The following RNFT2 variants were observed in gnomAD, a reference collection of about 807,000 sequenced individuals.
The protein encoded by RNFT2 is E3 ubiquitin-protein ligase RNFT2.
A neutral mutation model predicts 53.0 loss-of-function variants in RNFT2; 36 were observed. That is an observed-to-expected ratio of 0.68 (90% CI 0.52 to 0.90). RNFT2 has a LOEUF of 0.90. Ranked by LOEUF, RNFT2 falls within the 40% of genes least tolerant of loss-of-function variation. RNFT2 has a pLI of 0.00. For synonymous variants in RNFT2, 260 were observed against 253.2 expected, an observed-to-expected ratio of 1.03 and a Z score of -0.26; for missense variants, 514 against 585.6, an observed-to-expected ratio of 0.88 and a Z score of 1.26.
chr12:116,834,850 C>CT (rs140178133), intron 8 of RNFT2, among the ~76,000 whole-genome samples: 2,765 of 136,644 alleles, frequency 0.02, 49 homozygotes, highest in African/African-American at 0.043. Context: ...ATTATTACTC[C>CT]TTTTTTTTTT....
At chr12:116,768,526 T>C (rs1256889524) in intron 6 of RNFT2, among the ~76,000 whole-genome samples, 1 of 152,200 alleles carries the variant, frequency 6.6e-6, no homozygotes, top group East Asian at 1.9e-4. Context: ...CCTAGTGATA[T>C]TGCAGCCATC....
At chr12:116,825,802 G>A (rs762483049) in intron 7 of RNFT2, among the ~76,000 whole-genome samples, 43 of 152,120 alleles carry the variant, frequency 2.8e-4, no homozygotes, top group Non-Finnish European at 4.3e-4. Context: ...GAAACTGAGG[G>A]TCATAGAGGT....
chr12:116,791,869 A>G (rs534556759), intron 7 of RNFT2, among the ~76,000 whole-genome samples: 2 of 152,306 alleles, frequency 1.3e-5, no homozygotes, highest in Non-Finnish European at 2.9e-5. Flanking sequence ...TGCCTGCACC[A>G]TTTCACATGC....
chr12:116,814,911 T>A (rs1453122733), intron 7 of RNFT2, among the ~76,000 whole-genome samples: 5 of 152,156 alleles, frequency 3.3e-5, no homozygotes, highest in Non-Finnish European at 7.4e-5. Context: ...AATTTTTGTA[T>A]TTTTAGTAGA....
intron 10 of RNFT2, among the ~76,000 whole-genome samples, chr12:116,841,920 A>T (rs187005992): frequency 0.036 from 1,304 of 35,824 alleles, 77 homozygotes; most frequent in African/African-American, 0.14. Flanking sequence ...TATATATATA[A>T]AAATATATAT....
At chr12:116,745,641 A>G (rs1033848519) in intron 3 of RNFT2, among the ~76,000 whole-genome samples, 4 of 152,216 alleles carry the variant, frequency 2.6e-5, no homozygotes, top group African/African-American at 7.2e-5. Flanking sequence ...TGTGTGTCAC[A>G]GGTGTTCTGC....
At chr12:116,795,410 G>GAAA (rs201494908) in intron 7 of RNFT2, among the ~76,000 whole-genome samples, 4 of 123,180 alleles carry the variant, frequency 3.2e-5, no homozygotes, top group African/African-American at 9.0e-5. Flanking sequence ...TCCATCTCCA[G>GAAA]AAAAAAAAAA....
chr12:116,826,130 C>A (rs1320720550), intron 7 of RNFT2, among the ~76,000 whole-genome samples: 1 of 151,982 alleles, frequency 6.6e-6, no homozygotes, highest in East Asian at 1.9e-4. Context: ...CCAAAAAATT[C>A]TCCTCTCTGT....
rs76963921 is a variant in RNFT2 at position 116,842,322 on chromosome 12, G to T, written c.1200+6040G>T. Among the ~76,000 whole-genome samples the T allele has an allele frequency of 8.2e-3, 1,253 of 152,148 alleles. 24 individuals are homozygous for T. The highest frequency in any genetic ancestry group is 0.029 in the African/African-American group (1,203 of 41,514). ...GCGCCACCCTTACTTAAGGGAAGGG[G>T]ATGCATGAGGCTATGAACACCAGGA... On this transcript the variant is annotated intron_variant, in intron 10 of 10. Coordinates refer to ENST00000257575, the MANE Select transcript of RNFT2 (RefSeq NM_001382266.1).
intron 6 of RNFT2, among the ~76,000 whole-genome samples, chr12:116,774,287 G>T (rs1873327932): frequency 6.6e-6 from 1 of 152,126 alleles, no homozygotes; most frequent in Non-Finnish European, 1.5e-5. Flanking sequence ...AAATGGTTAA[G>T]ACGGTACCTT....
At chr12:116,781,928 A>G (rs532973059) in intron 7 of RNFT2, among the ~76,000 whole-genome samples, 5 of 151,758 alleles carry the variant, frequency 3.3e-5, no homozygotes, top group African/African-American at 9.7e-5. Flanking sequence ...AATACAAAAA[A>G]ATTAGCTGGG....
intron 7 of RNFT2, among the ~76,000 whole-genome samples, chr12:116,806,695 T>C (rs1308535187): frequency 6.7e-6 from 1 of 148,658 alleles, no homozygotes; most frequent in Admixed American, 6.8e-5. Context: ...CAGTGAGCCA[T>C]GGTCATGCCA....
rs1359716585 is a variant in RNFT2, at chr12:116,750,838, A to T, written c.550+531A>T. Among the ~76,000 whole-genome samples, 10 of 13,928 alleles carry T rather than the reference A, an allele frequency of 7.2e-4. No homozygotes were observed. The East Asian group carries it at 0.013, about 17-fold the overall frequency. The allele number at this position is 13,928 out of a possible 152,430, so 9.1% of individuals were successfully genotyped here. ...TATATATTATATATATAATATATAT[A>T]TTATATATATATAATATATATTATA... is the stretch of plus-strand genomic sequence containing the variant. On this transcript the variant is annotated intron_variant, in intron 4 of 10. Coordinates refer to ENST00000257575, the MANE Select transcript of RNFT2 (RefSeq NM_001382266.1).
At chr12:116,796,742 A>G (rs1274560668) in intron 7 of RNFT2, among the ~76,000 whole-genome samples, 4 of 152,120 alleles carry the variant, frequency 2.6e-5, no homozygotes, top group African/African-American at 9.7e-5. Context: ...CCAATCAGAC[A>G]TCTGTCTATG....
intron 8 of RNFT2, among the ~76,000 whole-genome samples, chr12:116,835,230 G>T (rs1438750808): frequency 6.6e-6 from 1 of 152,062 alleles, no homozygotes; most frequent in East Asian, 1.9e-4. Flanking sequence ...AGGTCACTCA[G>T]GTAAAGACAA....
chr12:116,745,492 C>T (rs1363600077), intron 3 of RNFT2, among the ~76,000 whole-genome samples: 2 of 151,916 alleles, frequency 1.3e-5, no homozygotes, highest in Non-Finnish European at 2.9e-5. Flanking sequence ...AACTCCTGAC[C>T]TCAAGTGATC....
chr12:116,755,124 T>A (rs1352703271), intron 5 of RNFT2, among the ~76,000 whole-genome samples: 2 of 152,238 alleles, frequency 1.3e-5, no homozygotes, highest in Non-Finnish European at 2.9e-5. Flanking sequence ...TTTTAGGTCC[T>A]AGGTTGAAAT....
rs1040938278 is a variant in RNFT2 at position 116,853,054 on chromosome 12, G to C, written c.*3606G>C. 2.4e-6 allele frequency: 1 copy of C among 416,368 alleles called. No homozygotes were observed. Among genetic ancestry groups the C allele is most frequent in the Middle Eastern group, 6.0e-4 (1 of 1,658 alleles). 25.8% of individuals were successfully genotyped at this position (416,368 alleles called of 1,614,324 possible). A position where few individuals can be genotyped will look rare whatever the true frequency, so the allele number is the denominator to read the frequency against. On this transcript the variant is annotated 3_prime_UTR_variant, in exon 11 of 11. Transcript: ENST00000257575. ...TTTATTAGTGCATGCCCTACCCTCT[G>C]GGGGAACGTCCCATCTGAGGTTTTC...
intron 7 of RNFT2, among the ~76,000 whole-genome samples, chr12:116,809,584 C>T (rs56708238): frequency 0.023 from 3,472 of 152,272 alleles, 141 homozygotes; most frequent in African/African-American, 0.078. Flanking sequence ...GGTCAGTTCC[C>T]GATTCAGACA....
Sources: allele counts gnomAD v4.1 joint callset (sites outside exome capture counted in the v4.1 genomes callset), GRCh38; gene constraint gnomAD v4.1.1; transcripts MANE v1.5; gene names NCBI Gene and HGNC (gene_info 2026-07-23, HGNC 2026-07-21).